KSR1: variants seen among roughly 807,000 people sequenced by gnomAD.
KSR1 encodes the protein kinase suppressor of ras 1.
A neutral mutation model predicts 92.9 loss-of-function variants in KSR1; 35 were observed. That is an observed-to-expected ratio of 0.38 (90% CI 0.29 to 0.50). KSR1 has a LOEUF of 0.50. Among genes scored for constraint, KSR1 ranks in the 20% least tolerant of loss-of-function variants. KSR1 has a pLI of 0.94. For missense variants in KSR1, 972 were observed against 1,158.5 expected (o/e 0.84, Z 2.34); for synonymous variants, 467 against 472.6 (o/e 0.99, Z 0.15).
chr17:27,622,022 T>C (rs1230434593), intron 20 of KSR1: 1 of 1,251,270 alleles, frequency 8.0e-7, no homozygotes, highest in Non-Finnish European at 1.2e-6. Context: ...CAAAATGAGA[T>C]GCGGGCACTA....
intron 1 of KSR1, among the ~76,000 whole-genome samples, chr17:27,539,357 C>T (rs954229231): frequency 1.3e-5 from 2 of 152,168 alleles, no homozygotes; most frequent in African/African-American, 4.8e-5. Context: ...CCTGTGGCTC[C>T]TGACACCTGG....
chr17:27,552,885 G>T (rs947367615), intron 2 of KSR1, among the ~76,000 whole-genome samples: 3 of 152,286 alleles, frequency 2.0e-5, no homozygotes, highest in Middle Eastern at 3.4e-3. Context: ...GTCATGATGG[G>T]TACACTGATG....
At chr17:27,620,316 C>T (rs1311999659) in intron 19 of KSR1, among the ~76,000 whole-genome samples, 7 of 152,160 alleles carry the variant, frequency 4.6e-5, no homozygotes, top group East Asian at 1.9e-4. Context: ...GCACACCTGC[C>T]GCATTGCTAC....
Position 27,605,610 on chromosome 17 carries a change from C to G in KSR1, c.1791C>G (p.Ile597Met), listed in dbSNP as rs778099345. 2 of 1,604,758 alleles carry G rather than the reference C, an allele frequency of 1.2e-6. No individual in the cohort carries two copies. The highest frequency in any genetic ancestry group is 1.3e-5 in the African/African-American group (1 of 74,810). Residue 597 changes from isoleucine (I) to methionine (M), a missense_variant, in exon 14 of 21, where the codon ATC (isoleucine) becomes ATG (methionine). Physicochemically the swap from Ile to Met is conservative, Grantham distance 10. This residue lies in a region of KSR1 where 260 missense variants were observed against 375.2 expected (regional missense o/e 0.69). Coordinates refer to ENST00000644974, the MANE Select transcript of KSR1 (RefSeq NM_001394583.1). ...PFEQVELGEPIGQGRWGRVHR... is the reference protein window; with the variant it reads ...PFEQVELGEPMGQGRWGRVHR... Reference sequence around the variant, plus strand: ...AGCAGGTAGAGCTGGGCGAGCCCATCGGGCAGGGCCGCTGGGGCCGGGTGC... The same window carrying G: ...AGCAGGTAGAGCTGGGCGAGCCCATGGGGCAGGGCCGCTGGGGCCGGGTGC...
chr17:27,497,294 C>T lies in KSR1; in HGVS notation c.231+40420C>T, dbSNP rs1386711400. ...CTGGGGAAGATTGAATAACCAGTGC[C>T]AGGGTGGGCTTCATCCTCTTATCGT... On this transcript the variant is annotated intron_variant, in intron 1 of 20. Coordinates refer to ENST00000644974, the MANE Select transcript of KSR1 (RefSeq NM_001394583.1). Among the ~76,000 whole-genome samples, 47 of 152,324 alleles carry T rather than the reference C, an allele frequency of 3.1e-4. 1 individual carries two copies. The highest frequency in any genetic ancestry group is 1.2e-3 in the South Asian group (6 of 4,828).
rs539737240 is a variant in KSR1, at chr17:27,560,695, C to T, written c.372+9987C>T. On this transcript the variant is annotated intron_variant, in intron 2 of 20. Coordinates refer to ENST00000644974, the MANE Select transcript of KSR1 (RefSeq NM_001394583.1). ...TGAGACCTAACCAGGAAAGCGAACC[C>T]GCATTTGGCTCCTGGGGTGCAGCTT... 8.0e-4 allele frequency among the ~76,000 whole-genome samples: 122 copies of T among 152,334 alleles called. 1 individual carries two copies. Among genetic ancestry groups the T allele is most frequent in the African/African-American group, 2.8e-3 (116 of 41,574 alleles).
intron 14 of KSR1, among the ~76,000 whole-genome samples, chr17:27,606,892 C>T (rs1402725646): frequency 2.0e-5 from 3 of 152,118 alleles, no homozygotes; most frequent in African/African-American, 7.2e-5. Flanking sequence ...AGTGCAGTGG[C>T]GTGTTCTTGG....
At chr17:27,560,610 G>A (rs1012582600) in intron 2 of KSR1, among the ~76,000 whole-genome samples, 1 of 152,218 alleles carries the variant, frequency 6.6e-6, no homozygotes, top group Admixed American at 6.5e-5. Flanking sequence ...CAGTGGCTGG[G>A]GGTGGCCAGA....
At position 27,582,725 on chromosome 17, in the gene KSR1, C is replaced by T; in HGVS notation, c.600C>T (p.Thr200=). 1 of 1,613,868 alleles carries T rather than the reference C, an allele frequency of 6.2e-7. No individual in the cohort carries two copies. The highest frequency in any genetic ancestry group is 8.5e-7 in the Non-Finnish European group (1 of 1,179,848). The change falls in exon 4 of 21, where the codon ACC becomes ACT. Residue 200 remains threonine, a synonymous_variant. Transcript: ENST00000644974. ...RESGSGPSTD[T]LSAASLPWPP... Reference sequence around the variant, plus strand: ...GTGGCTCAGGGCCTTCCACGGACACCCTCTCAGCAGCCAGCCTGCCCTGGC... The same window carrying T: ...GTGGCTCAGGGCCTTCCACGGACACTCTCTCAGCAGCCAGCCTGCCCTGGC...
rs574687960 is a variant in KSR1 at position 27,605,522 on chromosome 17, G to C, written c.1703G>C (p.Gly568Ala). Residue 568 changes from glycine (G) to alanine (A), a missense_variant, in exon 14 of 21, where the codon GGC (glycine) becomes GCC (alanine). Gly to Ala is a moderately conservative substitution (Grantham distance 60). Around this residue, in one of 5 missense-constraint regions of KSR1, gnomAD observed 611 missense variants for 668.0 expected, o/e 0.91. Coordinates refer to ENST00000644974, the MANE Select transcript of KSR1 (RefSeq NM_001394583.1). ...CCGAGCTCTCGCCGGCCCTGGCGGG[G>C]CCCCATCTCTCGCAAGGCCAGCCAG... is the stretch of plus-strand genomic sequence containing the variant. The part of the protein sequence containing the change: ...DLPSSRRPWR[G>A]PISRKASQTS... 31 of 1,598,790 alleles carry C rather than the reference G, an allele frequency of 1.9e-5. No individual in the cohort carries two copies. The South Asian group carries it at 3.4e-4, about 18-fold the overall frequency.
Position 27,583,089 on chromosome 17 carries a change from G to A in KSR1, c.964G>A (p.Asp322Asn). The change falls in exon 4 of 21, where the codon GAC becomes AAC. Residue 322 changes from aspartate (D) to asparagine (N), a missense_variant. By Grantham distance (23) the Asp-to-Asn change is conservative. Coordinates refer to ENST00000644974, the MANE Select transcript of KSR1 (RefSeq NM_001394583.1). ...HESQLGNRID[D>N]VSSMRFDLSH... The stretch of plus-strand genomic sequence containing the variant: ...GTCTCAGCTGGGGAACCGCATTGAT[G>A]ACGTCTCCTCGATGAGGTGAGTGCT... 1 of 1,569,054 alleles carries A rather than the reference G, an allele frequency of 6.4e-7. No homozygotes were observed. The highest frequency in any genetic ancestry group is 8.7e-7 in the Non-Finnish European group (1 of 1,154,894).
rs1296663214 is a variant in KSR1 at position 27,513,599 on chromosome 17, AG to A, written c.232-36966del. ...ATGGGGAGAGTGGCTCACCTTAGCA[AG>A]GGTGTGTCTGCTGGGACCCCAGGGA... On this transcript the variant is annotated intron_variant, in intron 1 of 20. Coordinates refer to ENST00000644974, the MANE Select transcript of KSR1 (RefSeq NM_001394583.1). Among the ~76,000 whole-genome samples, 15 of 152,272 alleles carry A rather than the reference AG, an allele frequency of 9.9e-5. No homozygotes were observed. The South Asian group carries it at 3.1e-3, about 32-fold the overall frequency.
intron 1 of KSR1, among the ~76,000 whole-genome samples, chr17:27,486,446 G>C (rs989383022): frequency 3.3e-5 from 5 of 152,214 alleles, no homozygotes; most frequent in Non-Finnish European, 7.3e-5. Flanking sequence ...GAACTCCCTA[G>C]TGGGCTTGCT....
At chr17:27,596,836 T>C (rs1383298322) in intron 9 of KSR1, among the ~76,000 whole-genome samples, 2 of 152,194 alleles carry the variant, frequency 1.3e-5, no homozygotes, top group Non-Finnish European at 2.9e-5. Flanking sequence ...TGTGCCCAGC[T>C]CAGAGCCAGT....
chr17:27,583,306 C>T (rs957628382), intron 4 of KSR1, among the ~76,000 whole-genome samples: 6 of 152,234 alleles, frequency 3.9e-5, no homozygotes, highest in Non-Finnish European at 7.3e-5. Flanking sequence ...TGTATGTACA[C>T]GTACATGCAC....
chr17:27,563,849 AC>A (rs1567831880), intron 2 of KSR1, among the ~76,000 whole-genome samples: 1 of 152,044 alleles, frequency 6.6e-6, no homozygotes, highest in Non-Finnish European at 1.5e-5. Flanking sequence ...CAGAGAGGCC[AC>A]CTTGTCTAAG....
intron 1 of KSR1, among the ~76,000 whole-genome samples, chr17:27,533,274 G>A (rs2070619757): frequency 6.6e-6 from 1 of 152,032 alleles, no homozygotes; most frequent in Non-Finnish European, 1.5e-5. Context: ...AGGATTAAGT[G>A]AGTTAATTCA....
intron 1 of KSR1, among the ~76,000 whole-genome samples, chr17:27,466,802 T>C (rs1483422943): frequency 6.6e-6 from 1 of 152,262 alleles, no homozygotes; most frequent in Non-Finnish European, 1.5e-5. Flanking sequence ...CTGGGCCGGC[T>C]GGGGCCACTC....
chr17:27,605,669 G>A lies in KSR1; in HGVS notation c.1850G>A (p.Arg617His). 5.0e-6 allele frequency: 8 copies of A among 1,612,512 alleles called. No individual in the cohort carries two copies. Among genetic ancestry groups the A allele is most frequent in the Non-Finnish European group, 6.8e-6 (8 of 1,179,792 alleles). ...CGCTGGCATGGCGAGGTGGCCATTC[G>A]CCTGCTGGAGATGGACGGCCACAAC... ...RGRWHGEVAIRLLEMDGHNQD... is the reference protein window; with the variant it reads ...RGRWHGEVAIHLLEMDGHNQD... The change falls in exon 14 of 21, where the codon CGC becomes CAC. Residue 617 changes from arginine to histidine, a missense_variant. Coordinates refer to ENST00000644974, the MANE Select transcript of KSR1 (RefSeq NM_001394583.1).
Sources: gnomAD v4.1 joint callset for allele counts (sites outside exome capture counted in the v4.1 genomes callset) on GRCh38, gnomAD v4.1.1 for gene constraint, gnomAD v4.1.1 regional missense constraint, MANE v1.5 for transcripts, NCBI Gene and HGNC (gene_info 2026-07-23, HGNC 2026-07-21) for gene names.